The following APC variants were observed in gnomAD, a reference collection of about 807,000 sequenced individuals.
The protein encoded by APC is APC regulator of Wnt signaling pathway.
A neutral mutation model predicts 247.0 loss-of-function variants in APC; 72 were observed. The ratio of observed to expected loss-of-function variants is 0.29; its 90% CI spans 0.24 to 0.35. The LOEUF is 0.35. Among genes scored for constraint, APC ranks in the 10% least tolerant of loss-of-function variants. The probability of loss-of-function intolerance (pLI) is 1.00; values close to 1 mark genes in which losing one functional copy is unlikely to be tolerated. For synonymous variants in APC, 1,254 were observed against 1,162.5 expected (o/e 1.08, Z -1.60); for missense variants, 3,400 against 3,360.7 (o/e 1.01, Z -0.29).
At chr5:112,717,534 C>A (rs1031284443) in intron 1 of APC, among the ~76,000 whole-genome samples, 1 of 152,086 alleles carries the variant, frequency 6.6e-6, no homozygotes, top group Non-Finnish European at 1.5e-5. Flanking sequence ...TTATCTCAGT[C>A]TTAAAGGATA....
chr5:112,757,708 A>G (rs1755144754), intron 2 of APC, among the ~76,000 whole-genome samples: 1 of 152,146 alleles, frequency 6.6e-6, no homozygotes, highest in South Asian at 2.1e-4. Context: ...CAAAAACAAA[A>G]CAAAAAACAG....
intron 9 of APC, among the ~76,000 whole-genome samples, chr5:112,816,132 A>G (rs1442106167): frequency 6.6e-6 from 1 of 152,160 alleles, no homozygotes; most frequent in Non-Finnish European, 1.5e-5. Flanking sequence ...CCTTGCCTGC[A>G]TTGGTGGGGA....
chr5:112,831,999 A>G (rs528268251), intron 14 of APC, among the ~76,000 whole-genome samples: 1 of 152,310 alleles, frequency 6.6e-6, no homozygotes, highest in African/African-American at 2.4e-5. Context: ...TGCTTCTGAC[A>G]CAACCCTTCT....
At position 112,727,219 on chromosome 5, in the gene APC, G is replaced by T. The variant is rs1300376631; in HGVS notation, c.165+19337G>T. ...TTCATTTTACTTAATAGTAAGTTGGGACCCTTGCAAACACTTATCTTCGGA... is the reference window on the plus strand; with the variant it reads ...TTCATTTTACTTAATAGTAAGTTGGTACCCTTGCAAACACTTATCTTCGGA... On this transcript the variant is annotated intron_variant, in intron 1 of 13. Transcript: ENST00000507379. Among the ~76,000 whole-genome samples the T allele has an allele frequency of 2.6e-5, 4 of 151,778 alleles. 1 individual carries two copies. Among genetic ancestry groups the T allele is most frequent in the Admixed American group, 6.6e-5 (1 of 15,240 alleles).
rs1184346867 is a variant in APC, at chr5:112,845,304, C to T, written c.*1178C>T. 1 of 232,616 alleles carries T rather than the reference C, an allele frequency of 4.3e-6. No individual in the cohort carries two copies. The highest frequency in any genetic ancestry group is 8.5e-6 in the Non-Finnish European group (1 of 117,480). 14.4% of individuals were successfully genotyped at this position (232,616 alleles called of 1,614,324 possible). ...TTCATGTAATAGCAATGCAAGCAGC[C>T]TAGCACAGACTAAGCATTGAGCATA... is the stretch of plus-strand genomic sequence containing the variant. On this transcript the variant is annotated 3_prime_UTR_variant, in exon 16 of 16. Coordinates refer to ENST00000257430, the MANE Select transcript of APC (RefSeq NM_000038.6).
chr5:112,783,688 G>A (rs1442015218), intron 6 of APC: 2 of 236,672 alleles, frequency 8.5e-6, no homozygotes, highest in African/African-American at 4.8e-5. Flanking sequence ...CTAGTTACTT[G>A]GGAGGCTGAG....
rs371453363 is a variant in APC at position 112,827,933 on chromosome 5, C to T, written c.1553C>T (p.Thr518Met). 24 of 1,612,688 alleles carry T rather than the reference C, an allele frequency of 1.5e-5. No individual in the cohort carries two copies. Among genetic ancestry groups the T allele is most frequent in the Admixed American group, 8.3e-5 (5 of 59,984 alleles). ...LTFGDVANKA[T>M]LCSMKGCMRA... is the part of the protein sequence containing the mutation. ...TATTCTGTATTTAATTTACAGGCTA[C>T]GCTATGCTCTATGAAAGGCTGCATG... Residue 518 changes from threonine (T) to methionine (M), a missense_variant, in exon 13 of 16, where the codon ACG becomes ATG. This residue lies in a region of APC where 184 missense variants were observed against 248.0 expected (regional missense o/e 0.74). Transcript: ENST00000257430.
chr5:112,780,668 C>T, intron 5 of APC, 122 bp from the exon 6 acceptor site: 1 of 696,418 alleles, frequency 1.4e-6, no homozygotes, highest in Non-Finnish European at 2.5e-6. Context: ...ATAATTTTCT[C>T]ATGCACCATG....
chr5:112,780,709 T>C, intron 5 of APC, 81 bp from the exon 6 acceptor site: 1 of 961,694 alleles, frequency 1.0e-6, no homozygotes, highest in Non-Finnish European at 1.6e-6. Flanking sequence ...ATTTTCTTTA[T>C]TGGTTCTTAT....
chr5:112,726,294 A>G (rs1329148506), intron 1 of APC, among the ~76,000 whole-genome samples: 1 of 152,170 alleles, frequency 6.6e-6, no homozygotes, highest in African/African-American at 2.4e-5. Context: ...GGATGAATGC[A>G]TGGGTTTTAT....
intron 1 of APC, among the ~76,000 whole-genome samples, chr5:112,747,648 G>A (rs919544765): frequency 3.9e-5 from 6 of 152,146 alleles, no homozygotes; most frequent in Non-Finnish European, 7.3e-5. Context: ...ACAAAATAAA[G>A]ATGGGAGCTT....
At chr5:112,722,521 T>C (rs575375712) in intron 1 of APC, among the ~76,000 whole-genome samples, 2 of 152,170 alleles carry the variant, frequency 1.3e-5, no homozygotes, top group South Asian at 4.2e-4. Flanking sequence ...TACCATCAGA[T>C]CCCACAGGTT....
At chr5:112,806,863 G>T (rs1037799506) in intron 8 of APC, among the ~76,000 whole-genome samples, 1 of 152,108 alleles carries the variant, frequency 6.6e-6, no homozygotes, top group East Asian at 1.9e-4. Flanking sequence ...GCTGGGCATG[G>T]TGCTCACACA....
chr5:112,826,859 G>A (rs561741557), intron 11 of APC, among the ~76,000 whole-genome samples: 21 of 152,152 alleles, frequency 1.4e-4, no homozygotes, highest in South Asian at 4.2e-4. Context: ...TAATTATTTC[G>A]CTCAGCAAGA....
Position 112,819,037 on chromosome 5 carries a change from A to G in APC, c.1005A>G (p.Leu335=), listed in dbSNP as rs3797704. The change falls in exon 10 of 16, where the codon CTA becomes CTG. Residue 335 remains leucine (L), a synonymous_variant. Coordinates refer to ENST00000257430, the MANE Select transcript of APC (RefSeq NM_000038.6). ...AGGATGATATGTCGCGAACTTTGCTAGCTATGTCTAGCTCCCAAGACAGCT... is the reference window on the plus strand; with the variant it reads ...AGGATGATATGTCGCGAACTTTGCTGGCTATGTCTAGCTCCCAAGACAGCT... ...HDKDDMSRTL[L]AMSSSQDSCI... The G allele has an allele frequency of 4.9e-5, 79 of 1,614,098 alleles. No homozygotes were observed. The East Asian group carries it at 1.4e-3, about 30-fold the overall frequency.
At chr5:112,734,041 C>CT (rs1752234722), upstream of APC, among the ~76,000 whole-genome samples, 1 of 152,176 alleles carries the variant, frequency 6.6e-6, no homozygotes, top group African/African-American at 2.4e-5. Flanking sequence ...ATGAATATAT[C>CT]TCCCAGTCCT....
chr5:112,818,872 G>C (rs2149777616), intron 9 of APC, 94 bp from the exon 10 acceptor site: 2 of 940,908 alleles, frequency 2.1e-6, no homozygotes, highest in South Asian at 1.5e-5. Flanking sequence ...TGTTTTTTTA[G>C]AGTTATAGTA....
At chr5:112,775,583 T>C (rs778972617) in intron 4 of APC, 46 bp from the exon 5 acceptor site, 1 of 1,186,404 alleles carries the variant, frequency 8.4e-7, no homozygotes, top group South Asian at 1.3e-5. Context: ...CTGCAGTCTT[T>C]ATTAGCATTG....
At position 112,844,092 on chromosome 5, in the gene APC, G is replaced by A. The variant is rs587779810; in HGVS notation, c.8498G>A (p.Arg2833His). 3 of 1,611,642 alleles carry A rather than the reference G, an allele frequency of 1.9e-6. No individual in the cohort carries two copies. Among genetic ancestry groups the A allele is most frequent in the Non-Finnish European group, 1.7e-6 (2 of 1,179,326 alleles). Residue 2833 changes from arginine to histidine, a missense_variant, in exon 16 of 16, where the codon CGC (arginine) becomes CAC (histidine). By Grantham distance (29) the Arg-to-His change is conservative. Transcript: ENST00000257430. ...TCCAGTGGAACCCAAAGTCCTAAGC[G>A]CCATTCTGGGTCTTACCTTGTGACA... ...TESSGTQSPK[R>H]HSGSYLVTSV
Sources: allele counts gnomAD v4.1 joint callset (sites outside exome capture counted in the v4.1 genomes callset), GRCh38; gene constraint gnomAD v4.1.1; regional missense constraint gnomAD v4.1.1; transcripts MANE v1.5; gene names NCBI Gene and HGNC (gene_info 2026-07-23, HGNC 2026-07-21).